The following ZNF813 variants were observed in gnomAD, a reference collection of about 807,000 sequenced individuals.
The protein encoded by ZNF813 is zinc finger protein 813.
Under a neutral mutation model 7.2 loss-of-function variants are expected in ZNF813, and 3 were observed. The observed-to-expected ratio is 0.42, with a 90% CI of 0.19 to 1.08. The LOEUF is 1.08. ZNF813 is among the 50% of genes least tolerant of loss of function. ZNF813 has a pLI of 0.30. For synonymous variants in ZNF813, 227 were observed against 256.3 expected (o/e 0.89, Z 1.09); for missense variants, 714 against 753.3 (o/e 0.95, Z 0.61).
intron 1 of ZNF813, among the ~76,000 whole-genome samples, chr19:53,476,913 T>C (rs2086384768): frequency 6.6e-6 from 1 of 152,040 alleles, no homozygotes; most frequent in Non-Finnish European, 1.5e-5. Flanking sequence ...CCACCCGCCT[T>C]GGCCTCCCAA....
chr19:53,477,332 T>C (rs2086386669), intron 1 of ZNF813, among the ~76,000 whole-genome samples: 1 of 152,158 alleles, frequency 6.6e-6, no homozygotes, highest in African/African-American at 2.4e-5. Context: ...GCAGATGCCC[T>C]GTATGGATTT....
At chr19:53,471,809 C>CAAAAAAA (rs57761931) in intron 1 of ZNF813, among the ~76,000 whole-genome samples, 5 of 121,096 alleles carry the variant, frequency 4.1e-5, no homozygotes, top group East Asian at 2.4e-4. Flanking sequence ...GAGACTGTCT[C>CAAAAAAA]AAAAAAAAAA....
chr19:53,495,239 T>TTG lies in ZNF813; in HGVS notation c.*3154_*3155insGT, dbSNP rs571918260. On this transcript the variant is annotated 3_prime_UTR_variant, in exon 4 of 4. Coordinates refer to ENST00000396403, the MANE Select transcript of ZNF813 (RefSeq NM_001004301.4). ...TTTGTTTGTTTTTGTTGTTGTTGTT[T>TTG]TTTTGAGATGGTGTCTCGCTCTGTC... 24,107 of 144,844 alleles carry TTG rather than the reference T, an allele frequency of 0.17. 2,305 individuals carry two copies. Among genetic ancestry groups the TTG allele is most frequent in the East Asian group, 0.27 (1,375 of 5,040 alleles). 9.0% of individuals were successfully genotyped at this position (144,844 alleles called of 1,614,324 possible). A position where few individuals can be genotyped will look rare whatever the true frequency, so the allele number is the denominator to read the frequency against.
chr19:53,492,947 C>T lies in ZNF813; in HGVS notation c.*861C>T, dbSNP rs753917609. ...TAGACATCAGAGAATGCACACTGGA[C>T]GGAAATCTTACAAATGTCATCAGTG... On this transcript the variant is annotated 3_prime_UTR_variant, in exon 4 of 4. Transcript: ENST00000396403. The T allele has an allele frequency of 2.3e-4, 107 of 473,344 alleles. No individual in the cohort carries two copies. Among genetic ancestry groups the T allele is most frequent in the African/African-American group, 1.6e-3 (80 of 50,366 alleles). 29.3% of individuals were successfully genotyped at this position (473,344 alleles called of 1,614,324 possible). A position where few individuals can be genotyped will look rare whatever the true frequency, so the allele number is the denominator to read the frequency against.
chr19:53,472,607 C>CTTTTTTTTTTTTTTTTT (rs200658542), intron 1 of ZNF813, among the ~76,000 whole-genome samples: 2 of 136,462 alleles, frequency 1.5e-5, no homozygotes, highest in African/African-American at 2.8e-5. Context: ...AAGTACAAGT[C>CTTTTTTTTTTTTTTTTT]TTTCTTTTTT....
At position 53,492,239 on chromosome 19, in the gene ZNF813, T is replaced by A. The variant is rs2086467430; in HGVS notation, c.*153T>A. 8.9e-7 allele frequency: 1 copy of A among 1,124,882 alleles called. No individual in the cohort carries two copies. Among genetic ancestry groups the A allele is most frequent in the South Asian group, 1.5e-5 (1 of 64,646 alleles). The allele number at this position is 1,124,882 out of a possible 1,614,324, so 69.7% of individuals were successfully genotyped here. On this transcript the variant is annotated 3_prime_UTR_variant, in exon 4 of 4. Coordinates refer to ENST00000396403, the MANE Select transcript of ZNF813 (RefSeq NM_001004301.4). ...GTAATGAACGTTGCAAAATTTTTAA[T>A]CAACAAGCACACCTTCCACGTCATC...
chr19:53,491,635 A>G lies in ZNF813; in HGVS notation c.1403A>G (p.Lys468Arg), dbSNP rs763405020. 2.4e-5 allele frequency: 38 copies of G among 1,613,698 alleles called. No homozygotes were observed. The highest frequency in any genetic ancestry group is 3.1e-5 in the Non-Finnish European group (37 of 1,179,834). The change falls in exon 4 of 4, where the codon AAG (lysine) becomes AGG (arginine). Residue 468 changes from lysine (K) to arginine (R), a missense_variant. By Grantham distance (26) the Lys-to-Arg change is conservative. This residue lies in a region of ZNF813 where 563 missense variants were observed against 554.2 expected (regional missense o/e 1.02). Transcript: ENST00000396403. ...ATTCATATTGGAGAGAAACGTTACA[A>G]GTGTAATGAGTGTGGCAAGACGTTC... Reference protein sequence around the residue: ...KAIHIGEKRYKCNECGKTFSR... With the variant: ...KAIHIGEKRYRCNECGKTFSR...
chr19:53,472,512 T>C (rs1437273587), intron 1 of ZNF813, among the ~76,000 whole-genome samples: 1 of 152,090 alleles, frequency 6.6e-6, no homozygotes, highest in African/African-American at 2.4e-5. Context: ...TATTTTAAAC[T>C]ATTCACCAGG....
chr19:53,472,047 G>C (rs1160982028), intron 1 of ZNF813, among the ~76,000 whole-genome samples: 1 of 152,088 alleles, frequency 6.6e-6, no homozygotes, highest in African/African-American at 2.4e-5. Flanking sequence ...CATGCTTATG[G>C]AATGATTTAA....
chr19:53,481,616 T>G (rs2086409014), intron 1 of ZNF813, among the ~76,000 whole-genome samples: 1 of 152,100 alleles, frequency 6.6e-6, no homozygotes, highest in Non-Finnish European at 1.5e-5. Flanking sequence ...CCCAAAGTGC[T>G]GAGATTACAG....
chr19:53,471,403 A>G (rs1216591805), intron 1 of ZNF813, among the ~76,000 whole-genome samples: 1 of 152,142 alleles, frequency 6.6e-6, no homozygotes, highest in Non-Finnish European at 1.5e-5. Flanking sequence ...AGTTTTCTTT[A>G]GTGTTTTATT....
At chr19:53,476,471 AT>A (rs1355292597) in intron 1 of ZNF813, among the ~76,000 whole-genome samples, 2 of 152,004 alleles carry the variant, frequency 1.3e-5, no homozygotes, top group Non-Finnish European at 2.9e-5. Flanking sequence ...TCTACTAAAA[AT>A]ACAAAAACTG....
chr19:53,494,144 T>G lies in ZNF813; in HGVS notation c.*2058T>G, dbSNP rs2086476358. 6.6e-6 allele frequency: 1 copy of G among 152,220 alleles called. No homozygotes were observed. The highest frequency in any genetic ancestry group is 6.5e-5 in the Admixed American group (1 of 15,286). 9.4% of individuals were successfully genotyped at this position (152,220 alleles called of 1,614,324 possible). Reference sequence around the variant, plus strand: ...CAGAAATAAGTGGCACTTGAGTATCTACAGTCCTTTTTACATCCTCTTGAA... The same window carrying G: ...CAGAAATAAGTGGCACTTGAGTATCGACAGTCCTTTTTACATCCTCTTGAA... On this transcript the variant is annotated 3_prime_UTR_variant, in exon 4 of 4. Transcript: ENST00000396403.
intron 1 of ZNF813, among the ~76,000 whole-genome samples, chr19:53,475,050 G>T (rs1233781310): frequency 6.6e-6 from 1 of 152,096 alleles, no homozygotes; most frequent in Non-Finnish European, 1.5e-5. Flanking sequence ...GTGCATTATA[G>T]CTACTTTCTC....
rs373601042 is a variant in ZNF813, at chr19:53,491,182, A to G, written c.950A>G (p.His317Arg). Residue 317 changes from histidine (H) to arginine (R), a missense_variant, in exon 4 of 4, where the codon CAT becomes CGT. Physicochemically the swap from His to Arg is conservative, Grantham distance 29 (BLOSUM62 0). Around this residue, in one of 3 missense-constraint regions of ZNF813, gnomAD observed 563 missense variants for 554.2 expected, o/e 1.02. Coordinates refer to ENST00000396403, the MANE Select transcript of ZNF813 (RefSeq NM_001004301.4). The stretch of plus-strand genomic sequence containing the variant: ...AGTTTCAAATCAAACCTTAAAAGAC[A>G]TAGGAGAATTCATGCTGGAGAAAAA... ...AFSFKSNLKR[H>R]RRIHAGEKPY... 1.9e-6 allele frequency: 3 copies of G among 1,613,876 alleles called. No individual in the cohort carries two copies. The highest frequency in any genetic ancestry group is 2.5e-6 in the Non-Finnish European group (3 of 1,179,784).
chr19:53,484,789 C>T (rs537760800), intron 2 of ZNF813, among the ~76,000 whole-genome samples: 1 of 152,266 alleles, frequency 6.6e-6, no homozygotes, highest in African/African-American at 2.4e-5. Flanking sequence ...TGGTCTCAAA[C>T]TGCTGATCTC....
In ZNF813 at chr19:53,492,773, A is replaced by C; in HGVS notation, c.*687A>C. 27 of 581,488 alleles carry C rather than the reference A, an allele frequency of 4.6e-5. No homozygotes were observed. Among genetic ancestry groups the C allele is most frequent in the Non-Finnish European group, 7.7e-5 (25 of 323,026 alleles). The allele number at this position is 581,488 out of a possible 1,614,324, so 36.0% of individuals were successfully genotyped here. On this transcript the variant is annotated 3_prime_UTR_variant, in exon 4 of 4. Coordinates refer to ENST00000396403, the MANE Select transcript of ZNF813 (RefSeq NM_001004301.4). ...TACCTTGCAGTTCATTGGCGAACTCATACTGGAGACAAACCTTATAAATGT... is the reference window on the plus strand; with the variant it reads ...TACCTTGCAGTTCATTGGCGAACTCCTACTGGAGACAAACCTTATAAATGT...
At position 53,494,098 on chromosome 19, in the gene ZNF813, T is replaced by A. The variant is rs2086476176; in HGVS notation, c.*2012T>A. Reference sequence around the variant, plus strand: ...CATATCACATTGATTTGCTTGACTATGTTGAACCATCCTTGCATCCCAGAA... The same window carrying A: ...CATATCACATTGATTTGCTTGACTAAGTTGAACCATCCTTGCATCCCAGAA... On this transcript the variant is annotated 3_prime_UTR_variant, in exon 4 of 4. Transcript: ENST00000396403. 6.6e-6 allele frequency: 1 copy of A among 152,240 alleles called. No homozygotes were observed. The highest frequency in any genetic ancestry group is 1.5e-5 in the Non-Finnish European group (1 of 68,040). The allele number at this position is 152,240 out of a possible 1,614,324, so 9.4% of individuals were successfully genotyped here. A position where few individuals can be genotyped will look rare whatever the true frequency, so the allele number is the denominator to read the frequency against.
chr19:53,479,386 A>C, intron 1 of ZNF813: 1 of 1,590,764 alleles, frequency 6.3e-7, no homozygotes. Flanking sequence ...AGTGAAGCGC[A>C]AGATCCAGGT....
Sources: gnomAD v4.1 joint callset for allele counts (sites outside exome capture counted in the v4.1 genomes callset) on GRCh38, gnomAD v4.1.1 for gene constraint, gnomAD v4.1.1 regional missense constraint, MANE v1.5 for transcripts, NCBI Gene and HGNC (gene_info 2026-07-23, HGNC 2026-07-21) for gene names.